The following ATXN7 variants were observed in gnomAD, a reference collection of about 807,000 sequenced individuals.
ATXN7 encodes the protein ataxin-7.
Under a neutral mutation model 70.5 loss-of-function variants are expected in ATXN7, and 12 were observed. The ratio of observed to expected loss-of-function variants is 0.17; its 90% confidence interval spans 0.11 to 0.28. The LOEUF is 0.28. ATXN7 is among the 10% of genes least tolerant of loss of function. ATXN7 has a pLI of 1.00. For synonymous variants in ATXN7, 498 were observed against 448.7 expected (o/e 1.11, Z -1.39); for missense variants, 1,256 against 1,131.7 (o/e 1.11, Z -1.58).
chr3:63,990,906 T>A (rs1378458236), intron 11 of ATXN7, 47 bp downstream of exon 11: 1 of 1,609,906 alleles, frequency 6.2e-7, no homozygotes, highest in Non-Finnish European at 8.5e-7. Flanking sequence ...TACACAGTGC[T>A]GCATTGTCTT....
intron 1 of ATXN7, among the ~76,000 whole-genome samples, chr3:63,866,548 G>C (rs1702436761): frequency 6.6e-6 from 1 of 152,164 alleles, no homozygotes; most frequent in Non-Finnish European, 1.5e-5. Context: ...GAGCCACTGT[G>C]TCCAGCCTGA....
At chr3:63,953,498 G>T (rs916425027) in intron 5 of ATXN7, among the ~76,000 whole-genome samples, 1 of 152,132 alleles carries the variant, frequency 6.6e-6, no homozygotes, top group Admixed American at 6.5e-5. Context: ...ATTTATGTAA[G>T]AGAGTAACAC....
intron 1 of ATXN7, among the ~76,000 whole-genome samples, chr3:63,881,396 G>A (rs942952696): frequency 2.0e-5 from 3 of 151,820 alleles, no homozygotes; most frequent in Non-Finnish European, 4.4e-5. Context: ...GAAGAAGTTA[G>A]TTGGGTCTAG....
chr3:63,933,281 T>A (rs958016613), intron 4 of ATXN7, among the ~76,000 whole-genome samples: 2 of 152,178 alleles, frequency 1.3e-5, no homozygotes, highest in Non-Finnish European at 2.9e-5. Flanking sequence ...TCTTCAAGTT[T>A]TGGGCTGTTG....
intron 5 of ATXN7, among the ~76,000 whole-genome samples, chr3:63,973,384 A>G (rs976197464): frequency 3.9e-5 from 6 of 151,976 alleles, no homozygotes; most frequent in African/African-American, 7.2e-5. Context: ...GCCTTACCCT[A>G]TTGAGCAGGT....
chr3:63,962,670 G>A (rs1214257265), intron 5 of ATXN7, among the ~76,000 whole-genome samples: 2 of 152,048 alleles, frequency 1.3e-5, no homozygotes, highest in African/African-American at 4.8e-5. Flanking sequence ...CTCCCAAAGT[G>A]CTGGGATTAT....
intron 2 of ATXN7, among the ~76,000 whole-genome samples, chr3:63,899,744 G>T (rs2107265552): frequency 6.6e-6 from 1 of 152,196 alleles, no homozygotes; most frequent in East Asian, 1.9e-4. Flanking sequence ...CTCCCGACTA[G>T]CTGGGACTAC....
In ATXN7 at chr3:63,982,386, T is replaced by C; in HGVS notation, c.953T>C (p.Leu318Pro). Residue 318 changes from leucine (L) to proline (P), a missense_variant, in exon 7 of 13, where the codon CTG (leucine) becomes CCG (proline). By Grantham distance (98) the Leu-to-Pro change is moderately conservative. Transcript: ENST00000674280. Reference sequence around the variant, plus strand: ...AAAGGGCTTCCTGCACCGCCCACTCTGGAAAAGAAACCTGAAGACAATTCC... The same window carrying C: ...AAAGGGCTTCCTGCACCGCCCACTCCGGAAAAGAAACCTGAAGACAATTCC... ...NGKGLPAPPT[L>P]EKKPEDNSNN... 1 of 1,613,824 alleles carries C rather than the reference T, an allele frequency of 6.2e-7. No individual in the cohort carries two copies.
chr3:63,895,998 C>T (rs1575859752), intron 1 of ATXN7, among the ~76,000 whole-genome samples: 3 of 152,132 alleles, frequency 2.0e-5, no homozygotes, highest in Non-Finnish European at 2.9e-5. Flanking sequence ...CTCAATTTCT[C>T]GTTCTAAGAA....
At chr3:63,998,406 C>T (rs1553696320) in intron 12 of ATXN7, 1 of 984,936 alleles carries the variant, frequency 1.0e-6, no homozygotes, top group Non-Finnish European at 1.2e-6. Context: ...TTTTTTTTCT[C>T]TTCTTAAATC....
At position 63,952,835 on chromosome 3, in the gene ATXN7, C is replaced by CTTTTTTTTTTTT. The variant is rs59256288; in HGVS notation, c.499+372_499+383dup. Reference sequence around the variant, plus strand: ...ACACTCACAATATGGATGCATGGGCCTTTTTTTTTTTTTTTTTTTTTTTTT... The same window carrying CTTTTTTTTTTTT: ...ACACTCACAATATGGATGCATGGGCCTTTTTTTTTTTTTTTTTTTTTTTTTTTTTTTTTTTTT... On this transcript the variant is annotated intron_variant, in intron 5 of 12. Coordinates refer to ENST00000674280, the MANE Select transcript of ATXN7 (RefSeq NM_001377405.1). Among the ~76,000 whole-genome samples, 30 of 49,162 alleles carry CTTTTTTTTTTTT rather than the reference C, an allele frequency of 6.1e-4. 5 individuals are homozygous for CTTTTTTTTTTTT. Among genetic ancestry groups the CTTTTTTTTTTTT allele is most frequent in the African/African-American group, 1.5e-3 (15 of 9,804 alleles). The allele number at this position is 49,162 out of a possible 152,430, so 32.3% of individuals were successfully genotyped here. A position where few individuals can be genotyped will look rare whatever the true frequency, so the allele number is the denominator to read the frequency against.
intron 4 of ATXN7, among the ~76,000 whole-genome samples, chr3:63,946,961 C>T (rs1487794066): frequency 1.3e-5 from 2 of 152,114 alleles, no homozygotes; most frequent in African/African-American, 2.4e-5. Context: ...ATACCTTGAC[C>T]TTGGGCACTG....
intron 1 of ATXN7, among the ~76,000 whole-genome samples, chr3:63,868,272 A>C (rs1472405050): frequency 6.6e-6 from 1 of 152,212 alleles, no homozygotes; most frequent in Non-Finnish European, 1.5e-5. Flanking sequence ...TAGACTTAAA[A>C]TTCAAATTTG....
At chr3:63,883,822 G>T (rs530044203) in intron 1 of ATXN7, among the ~76,000 whole-genome samples, 1 of 151,912 alleles carries the variant, frequency 6.6e-6, no homozygotes, top group Non-Finnish European at 1.5e-5. Flanking sequence ...TTTAATTCTA[G>T]ATTTCTTCTT....
chr3:63,990,589 A>G (rs1007367124), intron 10 of ATXN7, 149 bp from the exon 11 acceptor site: 15 of 1,312,804 alleles, frequency 1.1e-5, no homozygotes, highest in Non-Finnish European at 1.6e-5. Flanking sequence ...GCTCAGGGCT[A>G]GGCATTGTCA....
chr3:63,946,207 G>T (rs1315906617), intron 4 of ATXN7, among the ~76,000 whole-genome samples: 1 of 152,112 alleles, frequency 6.6e-6, no homozygotes, highest in African/African-American at 2.4e-5. Context: ...GTGAGTGAAG[G>T]GCTGAAATGG....
At chr3:63,907,727 A>G (rs549045819) in intron 2 of ATXN7, among the ~76,000 whole-genome samples, 1 of 151,694 alleles carries the variant, frequency 6.6e-6, no homozygotes, top group East Asian at 1.9e-4. Flanking sequence ...GATTACAGGC[A>G]TCAGACCATC....
At chr3:63,950,176 C>CA (rs2074931434) in intron 4 of ATXN7, among the ~76,000 whole-genome samples, 1 of 151,874 alleles carries the variant, frequency 6.6e-6, no homozygotes, top group Admixed American at 6.5e-5. Context: ...GGAACCAGGG[C>CA]AAAAAAGAAT....
intron 4 of ATXN7, among the ~76,000 whole-genome samples, chr3:63,929,187 C>A (rs375226792): frequency 6.6e-5 from 10 of 151,676 alleles, no homozygotes; most frequent in Non-Finnish European, 8.8e-5. Flanking sequence ...AAGATAAACA[C>A]AACTATTACA....
Sources: gnomAD v4.1 joint callset for allele counts (sites outside exome capture counted in the v4.1 genomes callset) on GRCh38, gnomAD v4.1.1 for gene constraint, MANE v1.5 for transcripts, NCBI Gene and HGNC (gene_info 2026-07-23, HGNC 2026-07-21) for gene names.